CTNNAL1: variants seen among roughly 807,000 people sequenced by gnomAD.
CTNNAL1 encodes the protein catenin alpha like 1.
CTNNAL1 carries 69 observed loss-of-function variants against 93.6 expected under a neutral mutation model. That is an observed-to-expected ratio of 0.74 (90% CI 0.61 to 0.90). The LOEUF is 0.90. CTNNAL1 is among the 40% of genes least tolerant of loss of function. The pLI is 0.00. For synonymous variants in CTNNAL1, 286 were observed against 305.4 expected (o/e 0.94, Z 0.66); for missense variants, 836 against 862.0 (o/e 0.97, Z 0.38).
In CTNNAL1 at chr9:108,993,981, G is replaced by A. The variant is rs183127983; in HGVS notation, c.332-1162C>T. ...ACAGTGGCTCACACCTGTAATCCTAGCACTTTAGGAGGCCGAGGCGGGTGG... is the reference window on the plus strand; with the variant it reads ...ACAGTGGCTCACACCTGTAATCCTAACACTTTAGGAGGCCGAGGCGGGTGG... On this transcript the variant is annotated intron_variant, in intron 2 of 18. Coordinates refer to ENST00000325551, the MANE Select transcript of CTNNAL1 (RefSeq NM_003798.4). 1.4e-3 allele frequency among the ~76,000 whole-genome samples: 210 copies of A among 152,296 alleles called. 1 individual carries two copies. Among genetic ancestry groups the A allele is most frequent in the African/African-American group, 4.7e-3 (195 of 41,560 alleles).
intron 8 of CTNNAL1, 31 bp from the exon 9 acceptor site, chr9:108,972,864 G>GGGGGGGGGGGCGCCCCCCCCCC: frequency 7.0e-6 from 1 of 142,580 alleles, no homozygotes; most frequent in African/African-American, 9.6e-5. Flanking sequence ...GGGGGGGTGG[G>GGGGGGGGGGGCGCCCCCCCCCC]AGGGTGGAGA....
intron 11 of CTNNAL1, chr9:108,963,452 A>T (rs1830873704): frequency 6.6e-6 from 1 of 152,290 alleles, no homozygotes; most frequent in African/African-American, 2.4e-5. Flanking sequence ...GTTTACAAGA[A>T]TGAAAACACA....
chr9:108,977,686 G>A (rs551079861), intron 7 of CTNNAL1, among the ~76,000 whole-genome samples: 19 of 152,224 alleles, frequency 1.2e-4, no homozygotes, highest in Admixed American at 7.9e-4. Context: ...ACAGTACCTG[G>A]CATAGCAAAT....
At chr9:109,006,048 G>A (rs531595191) in intron 1 of CTNNAL1, among the ~76,000 whole-genome samples, 2 of 152,262 alleles carry the variant, frequency 1.3e-5, no homozygotes, top group South Asian at 4.1e-4. Flanking sequence ...AGGTTCAAAA[G>A]TTATACATGT....
chr9:109,004,752 C>A (rs910407397), intron 1 of CTNNAL1, among the ~76,000 whole-genome samples: 5 of 151,802 alleles, frequency 3.3e-5, no homozygotes, highest in African/African-American at 1.2e-4. Context: ...TGGCATTGCA[C>A]TCCAGCCCGG....
chr9:109,001,671 T>C (rs1175047117), intron 1 of CTNNAL1, among the ~76,000 whole-genome samples: 1 of 152,176 alleles, frequency 6.6e-6, no homozygotes, highest in African/African-American at 2.4e-5. Flanking sequence ...GGCCAAAAGA[T>C]AGTGAAGAAC....
intron 1 of CTNNAL1, among the ~76,000 whole-genome samples, chr9:109,008,461 T>C (rs974477355): frequency 6.6e-6 from 1 of 152,218 alleles, no homozygotes; most frequent in African/African-American, 2.4e-5. Context: ...TCCACTTTTC[T>C]AATAGGTGTG....
chr9:108,983,191 GTC>G lies in CTNNAL1; in HGVS notation c.852_853del (p.Glu284AspfsTer2). On this transcript the variant is annotated frameshift_variant, in exon 6 of 19. Transcript: ENST00000325551. LOFTEE classifies it high-confidence loss of function. ...AAAAATACTGATAGATGAAATGTCAGTCTCTCCATTCGGTTTACAGTCAGTCA... is the reference window on the plus strand; with the variant it reads ...AAAAATACTGATAGATGAAATGTCAGTCTCCATTCGGTTTACAGTCAGTCA... 1 of 1,572,638 alleles carries G rather than the reference GTC, an allele frequency of 6.4e-7. No homozygotes were observed. The highest frequency in any genetic ancestry group is 8.6e-7 in the Non-Finnish European group (1 of 1,159,226).
intron 8 of CTNNAL1, among the ~76,000 whole-genome samples, chr9:108,973,104 G>A (rs909782211): frequency 3.9e-5 from 6 of 152,042 alleles, no homozygotes; most frequent in African/African-American, 1.2e-4. Context: ...TAACCCCCTG[G>A]TGCCAGTGGT....
chr9:108,983,095 T>A (rs559978629), intron 6 of CTNNAL1, 50 bp downstream of exon 6: 2 of 1,289,364 alleles, frequency 1.6e-6, no homozygotes, highest in South Asian at 2.7e-5. Context: ...TAAAATAAAA[T>A]AAAATAAAAT....
At chr9:109,011,584 T>C (rs1259546495) in intron 1 of CTNNAL1, among the ~76,000 whole-genome samples, 1 of 152,228 alleles carries the variant, frequency 6.6e-6, no homozygotes, top group Non-Finnish European at 1.5e-5. Context: ...AGCTTGTTTT[T>C]CCACTATGTA....
chr9:108,990,105 A>T (rs1831743654), intron 4 of CTNNAL1, among the ~76,000 whole-genome samples: 1 of 152,186 alleles, frequency 6.6e-6, no homozygotes, highest in African/African-American at 2.4e-5. Context: ...TAGTTTGAGA[A>T]CTACAGACTT....
intron 11 of CTNNAL1, among the ~76,000 whole-genome samples, chr9:108,965,098 T>A (rs1023223313): frequency 6.6e-6 from 1 of 152,094 alleles, no homozygotes; most frequent in Admixed American, 6.6e-5. Context: ...GGCTTCAAAG[T>A]GATCCACCTG....
At chr9:108,984,232 A>G (rs1831530398) in intron 5 of CTNNAL1, 115 bp downstream of exon 5, 1 of 643,756 alleles carries the variant, frequency 1.6e-6, no homozygotes, top group Non-Finnish European at 2.8e-6. Flanking sequence ...ATTCAGGCCT[A>G]TGTTCTAAGT....
intron 1 of CTNNAL1, among the ~76,000 whole-genome samples, chr9:109,001,125 T>C (rs1384511188): frequency 4.1e-5 from 6 of 145,354 alleles, no homozygotes; most frequent in Non-Finnish European, 8.9e-5. Context: ...TGAGCCGAGA[T>C]TGCACCACTG....
intron 1 of CTNNAL1, among the ~76,000 whole-genome samples, chr9:109,003,435 AG>A (rs1488896855): frequency 3.9e-5 from 6 of 152,242 alleles, no homozygotes; most frequent in African/African-American, 1.4e-4. Flanking sequence ...TTCCATAAGC[AG>A]GGAACAGGCT....
chr9:108,970,294 A>G, intron 10 of CTNNAL1, 108 bp downstream of exon 10: 1 of 893,974 alleles, frequency 1.1e-6, no homozygotes, highest in African/African-American at 1.7e-5. Context: ...TTCTCTATGT[A>G]TATTTGGACT....
intron 10 of CTNNAL1, among the ~76,000 whole-genome samples, chr9:108,967,387 C>T (rs935290818): frequency 6.6e-6 from 1 of 152,030 alleles, no homozygotes; most frequent in African/African-American, 2.4e-5. Context: ...GGATTATTCA[C>T]ACACACATGT....
chr9:108,992,809 A>C lies in CTNNAL1; in HGVS notation c.342T>G (p.Ile114Met). ...AGTTGGTTATGTCTGTAAGTGCTGC[A>C]ATTGTTTCTCCTAACAAGAAAGACG... ...CIEAKQAGET[I>M]AALTDITNLN... The change falls in exon 3 of 19, where the codon ATT becomes ATG. Residue 114 changes from isoleucine to methionine, a missense_variant. Transcript: ENST00000325551. 1 of 1,606,758 alleles carries C rather than the reference A, an allele frequency of 6.2e-7. No individual in the cohort carries two copies. Among genetic ancestry groups the C allele is most frequent in the Non-Finnish European group, 8.5e-7 (1 of 1,177,528 alleles).
Sources: allele counts gnomAD v4.1 joint callset (sites outside exome capture counted in the v4.1 genomes callset), GRCh38; gene constraint gnomAD v4.1.1; transcripts MANE v1.5; gene names NCBI Gene and HGNC (gene_info 2026-07-23, HGNC 2026-07-21).